The following KCNQ5 variants were observed in gnomAD, a reference collection of about 807,000 sequenced individuals.
KCNQ5 encodes the protein potassium voltage-gated channel subfamily Q member 5, also known as potassium voltage-gated channel subfamily KQT member 5.
KCNQ5 carries 30 observed loss-of-function variants against 98.2 expected under a neutral mutation model. That is an observed-to-expected ratio of 0.31 (90% CI 0.23 to 0.41). The LOEUF (loss-of-function observed/expected upper bound fraction) is 0.41. Ranked by LOEUF, KCNQ5 falls within the 10% of genes least tolerant of loss-of-function variation. KCNQ5 has a pLI of 1.00. For missense variants in KCNQ5, 835 were observed against 1,182.5 expected (o/e 0.71, Z 4.31); for synonymous variants, 458 against 449.4 (o/e 1.02, Z -0.24).
chr6:73,063,585 G>T (rs1165437523), intron 3 of KCNQ5, among the ~76,000 whole-genome samples: 2 of 152,066 alleles, frequency 1.3e-5, no homozygotes, highest in Non-Finnish European at 2.9e-5. Context: ...TATAAGTAAA[G>T]ATGGGAGTTA....
chr6:72,667,462 A>G (rs543332998), intron 1 of KCNQ5, among the ~76,000 whole-genome samples: 1 of 152,308 alleles, frequency 6.6e-6, no homozygotes, highest in African/African-American at 2.4e-5. Context: ...ACCATTAGAT[A>G]AATATTATAG....
intron 10 of KCNQ5, among the ~76,000 whole-genome samples, chr6:73,148,624 G>T (rs1315726140): frequency 6.6e-6 from 1 of 152,126 alleles, no homozygotes; most frequent in African/African-American, 2.4e-5. Flanking sequence ...ACCTGCCATA[G>T]GTATAATCAA....
chr6:73,046,200 G>C (rs1771950853), intron 3 of KCNQ5, among the ~76,000 whole-genome samples: 1 of 152,032 alleles, frequency 6.6e-6, no homozygotes, highest in Non-Finnish European at 1.5e-5. Flanking sequence ...CTGTTTCTCT[G>C]TCTTCTCTAT....
At chr6:72,911,433 A>G (rs1324023751) in intron 1 of KCNQ5, among the ~76,000 whole-genome samples, 1 of 152,070 alleles carries the variant, frequency 6.6e-6, no homozygotes, top group Non-Finnish European at 1.5e-5. Context: ...CACCATTCTG[A>G]CACCCTGATC....
chr6:72,994,209 C>G (rs1440161979), intron 1 of KCNQ5, among the ~76,000 whole-genome samples: 1 of 87,662 alleles, frequency 1.1e-5, no homozygotes, highest in Non-Finnish European at 2.1e-5. Flanking sequence ...TGCCCGGCTG[C>G]TTTGTTTACC....
rs1254964319 is a variant in KCNQ5, at chr6:72,984,543, TG to T, written c.399-19364del. On this transcript the variant is annotated intron_variant, in intron 1 of 13. Coordinates refer to ENST00000370398, the MANE Select transcript of KCNQ5 (RefSeq NM_019842.4). ...AGACATGGGATATACTCTCCTGGTT[TG>T]CTGTTTGCTAAGACCATTGGAAAAG... is the stretch of plus-strand genomic sequence containing the variant. 3.9e-5 allele frequency among the ~76,000 whole-genome samples: 6 copies of T among 152,354 alleles called. No individual in the cohort carries two copies. The East Asian group carries it at 1.2e-3, about 29-fold the overall frequency.
chr6:72,972,350 T>TGAG (rs1767941930), intron 1 of KCNQ5, among the ~76,000 whole-genome samples: 1 of 115,964 alleles, frequency 8.6e-6, no homozygotes, highest in Non-Finnish European at 1.8e-5. Context: ...CAACAATCAT[T>TGAG]GAGCTGCTTC....
At chr6:72,765,057 G>GTTGTAA (rs1366794501) in intron 1 of KCNQ5, among the ~76,000 whole-genome samples, 26 of 151,962 alleles carry the variant, frequency 1.7e-4, no homozygotes, top group Admixed American at 1.7e-3. Context: ...AATCTTAGCT[G>GTTGTAA]TTGTAAACAG....
chr6:73,058,716 G>A (rs1295812583), intron 3 of KCNQ5, among the ~76,000 whole-genome samples: 1 of 151,948 alleles, frequency 6.6e-6, no homozygotes, highest in Non-Finnish European at 1.5e-5. Flanking sequence ...AAATTTATAA[G>A]CAAAAAAACA....
chr6:73,112,908 A>C (rs947353723), intron 7 of KCNQ5, among the ~76,000 whole-genome samples: 1 of 152,202 alleles, frequency 6.6e-6, no homozygotes, highest in Non-Finnish European at 1.5e-5. Flanking sequence ...ACCATCAGGC[A>C]TGACTTCCAG....
intron 1 of KCNQ5, among the ~76,000 whole-genome samples, chr6:72,688,191 A>T (rs1768050423): frequency 6.6e-6 from 1 of 152,192 alleles, no homozygotes; most frequent in Admixed American, 6.5e-5. Flanking sequence ...TACTGAGCAG[A>T]GTTTACACTT....
intron 1 of KCNQ5, among the ~76,000 whole-genome samples, chr6:72,956,088 A>G (rs886251457): frequency 6.6e-6 from 1 of 152,352 alleles, no homozygotes; most frequent in Admixed American, 6.5e-5. Flanking sequence ...TGAAACTAAT[A>G]AATTCTGAGC....
intron 5 of KCNQ5, among the ~76,000 whole-genome samples, chr6:73,089,779 A>T (rs1774157057): frequency 6.6e-6 from 1 of 151,324 alleles, no homozygotes; most frequent in African/African-American, 2.4e-5. Context: ...CATCATGTAT[A>T]TATATATACC....
At chr6:72,987,409 G>A (rs1342706433) in intron 1 of KCNQ5, 4 of 706,150 alleles carry the variant, frequency 5.7e-6, no homozygotes, top group East Asian at 3.0e-5. Context: ...ACCAGGAAGT[G>A]GACGGGAACC....
At chr6:73,047,799 C>A (rs1428131048) in intron 3 of KCNQ5, among the ~76,000 whole-genome samples, 1 of 152,166 alleles carries the variant, frequency 6.6e-6, no homozygotes, top group African/African-American at 2.4e-5. Flanking sequence ...AGAATAGAAT[C>A]TCCTGTGCCC....
At chr6:73,193,019 A>ATTT (rs66904981) in intron 13 of KCNQ5, among the ~76,000 whole-genome samples, 7 of 127,916 alleles carry the variant, frequency 5.5e-5, no homozygotes, top group Non-Finnish European at 8.2e-5. Context: ...TAGGTCATTA[A>ATTT]TTTTTTTTTT....
intron 1 of KCNQ5, among the ~76,000 whole-genome samples, chr6:72,635,926 A>G (rs2098923869): frequency 6.6e-6 from 1 of 151,936 alleles, no homozygotes; most frequent in Non-Finnish European, 1.5e-5. Flanking sequence ...ATATAAGGGG[A>G]GAACCCTATT....
At chr6:73,129,462 G>A (rs1300390162) in intron 9 of KCNQ5, among the ~76,000 whole-genome samples, 3 of 152,144 alleles carry the variant, frequency 2.0e-5, no homozygotes, top group Admixed American at 6.5e-5. Context: ...TCTAAAGTAC[G>A]TTATTAATCA....
intron 6 of KCNQ5, among the ~76,000 whole-genome samples, chr6:73,108,180 G>A (rs1056174146): frequency 3.3e-5 from 5 of 152,168 alleles, no homozygotes; most frequent in African/African-American, 9.7e-5. Context: ...CATCCAAAGC[G>A]CCACTGTGGG....
Sources: gnomAD v4.1 joint callset for allele counts (sites outside exome capture counted in the v4.1 genomes callset) on GRCh38, gnomAD v4.1.1 for gene constraint, MANE v1.5 for transcripts, NCBI Gene and HGNC (gene_info 2026-07-23, HGNC 2026-07-21) for gene names.